The following PTPN11 variants were observed in gnomAD, a reference collection of about 807,000 sequenced individuals.
PTPN11 encodes protein tyrosine phosphatase non-receptor type 11, also known as tyrosine-protein phosphatase non-receptor type 11.
PTPN11 carries 6 observed loss-of-function variants against 78.8 expected under a neutral mutation model. That is an observed-to-expected ratio of 0.08 (90% CI 0.04 to 0.15). The LOEUF (loss-of-function observed/expected upper bound fraction) is 0.15, where lower values mean the gene tolerates loss of function less well. Ranked by LOEUF, PTPN11 falls within the 10% of genes least tolerant of loss-of-function variation. PTPN11 has a pLI of 1.00. For synonymous variants in PTPN11, 221 were observed against 263.5 expected (o/e 0.84, Z 1.56); for missense variants, 386 against 744.8 (o/e 0.52, Z 5.61).
chr12:112,489,007 T>C lies in PTPN11; in HGVS notation c.1448-17T>C, dbSNP rs765401012. 6 of 1,610,778 alleles carry C rather than the reference T, an allele frequency of 3.7e-6. No homozygotes were observed. The highest frequency in any genetic ancestry group is 2.2e-5 in the East Asian group (1 of 44,904). ...CTCTGCAGTTTCTCTTTATTCTTCA[T>C]GATGTTTCCTTCGTAGGTGTTGACT... On this transcript the variant is annotated splice_polypyrimidine_tract_variant and intron_variant, in intron 12 of 15. Coordinates refer to ENST00000351677, the MANE Select transcript of PTPN11 (RefSeq NM_002834.5).
At chr12:112,502,078 C>CT (rs1432496723) in intron 13 of PTPN11, 66 bp from the exon 14 acceptor site, 13 of 1,305,678 alleles carry the variant, frequency 1.0e-5, no homozygotes, top group South Asian at 4.9e-5. Flanking sequence ...GGCAAAATAC[C>CT]TTTTTTGCTT....
chr12:112,487,006 G>A, intron 11 of PTPN11: 1 of 923,032 alleles, frequency 1.1e-6, no homozygotes, highest in South Asian at 2.7e-5. Context: ...TGGGGGTGTG[G>A]TGGAAATAGG....
Position 112,471,094 on chromosome 12 carries a change from C to G in PTPN11, c.757-1850C>G, listed in dbSNP as rs189492354. Among the ~76,000 whole-genome samples, 357 of 152,220 alleles carry G rather than the reference C, an allele frequency of 2.3e-3. 1 individual carries two copies. Among genetic ancestry groups the G allele is most frequent in the African/African-American group, 7.0e-3 (292 of 41,510 alleles). Reference sequence around the variant, plus strand: ...AAATGCTTTTGTGATGAGCTTATGTCCAGGCTGAAGGTTGCATTTTGAAAC... The same window carrying G: ...AAATGCTTTTGTGATGAGCTTATGTGCAGGCTGAAGGTTGCATTTTGAAAC... On this transcript the variant is annotated intron_variant, in intron 6 of 15. Coordinates refer to ENST00000351677, the MANE Select transcript of PTPN11 (RefSeq NM_002834.5).
At chr12:112,441,011 T>C (rs1366348085) in intron 1 of PTPN11, among the ~76,000 whole-genome samples, 1 of 150,062 alleles carries the variant, frequency 6.7e-6, no homozygotes, top group African/African-American at 2.5e-5. Flanking sequence ...TTGCCCAGGC[T>C]AGAGTGCAGT....
chr12:112,486,115 G>A (rs1483335074), intron 10 of PTPN11, among the ~76,000 whole-genome samples: 1 of 152,140 alleles, frequency 6.6e-6, no homozygotes, highest in East Asian at 1.9e-4. Context: ...CTCTTCTGCT[G>A]GGAGGAGAGA....
Position 112,424,881 on chromosome 12 carries a change from GTGTGTGTGTA to G in PTPN11, c.14+5766_14+5775del, listed in dbSNP as rs1451913552. On this transcript the variant is annotated intron_variant, in intron 1 of 15. Coordinates refer to ENST00000351677, the MANE Select transcript of PTPN11 (RefSeq NM_002834.5). ...TGTCAGGCTAATTGTGTGTGTGTGTGTGTGTGTGTATGTGTGTGTGTGTGTGTGTGTGTGT... is the reference window on the plus strand; with the variant it reads ...TGTCAGGCTAATTGTGTGTGTGTGTGTGTGTGTGTGTGTGTGTGTGTGTGT... 3.5e-4 allele frequency among the ~76,000 whole-genome samples: 50 copies of G among 144,294 alleles called. 1 individual carries two copies. In the East Asian group the frequency reaches 6.3e-3, roughly 18 times the overall value. The allele number at this position is 144,294 out of a possible 152,430, so 94.7% of individuals were successfully genotyped here. A position where few individuals can be genotyped will look rare whatever the true frequency, so the allele number is the denominator to read the frequency against.
Position 112,486,573 on chromosome 12 carries a change from G to A in PTPN11, c.1323G>A (p.Glu441=), listed in dbSNP as rs2038679845. Residue 441 remains glutamate, a synonymous_variant, in exon 11 of 16, where the codon GAG becomes GAA. Transcript: ENST00000351677. The part of the protein sequence containing the change: ...DPGGVLDFLE[E]VHHKQESIMD... ...GGGGCGTGCTGGACTTCCTGGAGGA[G>A]GTGCACCATAAGCAGGAGAGCATCA... is the stretch of plus-strand genomic sequence containing the variant. 6.2e-7 allele frequency: 1 copy of A among 1,613,882 alleles called. No individual in the cohort carries two copies. The highest frequency in any genetic ancestry group is 8.5e-7 in the Non-Finnish European group (1 of 1,180,048).
chr12:112,465,981 C>G (rs2038320233), intron 6 of PTPN11, among the ~76,000 whole-genome samples: 1 of 152,184 alleles, frequency 6.6e-6, no homozygotes, highest in African/African-American at 2.4e-5. Flanking sequence ...CTTCATTCAG[C>G]AAATACTGAT....
rs778211349 is a variant in PTPN11 at position 112,454,632 on chromosome 12, G to A, written c.594G>A (p.Lys198=). Residue 198 remains lysine (K), a synonymous_variant, in exon 5 of 16, where the codon AAG becomes AAA. Transcript: ENST00000351677. ...DSLTDLVEHY[K]KNPMVETLGT... is the part of the protein sequence containing the mutation. ...TGACAGATCTTGTGGAACATTATAA[G>A]AAGAATCCTATGGTGGAAACATTGG... 1.2e-6 allele frequency: 2 copies of A among 1,613,886 alleles called. No homozygotes were observed. The highest frequency in any genetic ancestry group is 2.2e-5 in the South Asian group (2 of 91,068).
chr12:112,497,594 A>G (rs758829542), intron 13 of PTPN11, among the ~76,000 whole-genome samples: 1 of 152,202 alleles, frequency 6.6e-6, no homozygotes, highest in East Asian at 1.9e-4. Flanking sequence ...TCCTGCATTA[A>G]TTAAAGTAGG....
chr12:112,437,025 C>CA (rs1356128689), intron 1 of PTPN11, among the ~76,000 whole-genome samples: 1 of 152,054 alleles, frequency 6.6e-6, no homozygotes, highest in Non-Finnish European at 1.5e-5. Context: ...CCAGATTTAT[C>CA]AATCTTTTTT....
At position 112,482,154 on chromosome 12, in the gene PTPN11, C is replaced by T. The variant is rs770730416; in HGVS notation, c.1173C>T (p.Ser391=). Residue 391 remains serine (S), a synonymous_variant, in exon 10 of 16, where the codon AGC becomes AGT. Coordinates refer to ENST00000351677, the MANE Select transcript of PTPN11 (RefSeq NM_002834.5). This position sits in a 1 kb window ranked among gnomAD's most constrained non-coding sequence, Gnocchi z 4.4. ...TGCGTGTTAGGAACGTCAAAGAAAG[C>T]GCCGCTCATGACTATACGCTAAGAG... ...GVMRVRNVKE[S]AAHDYTLREL... is the part of the protein sequence containing the mutation. 1.6e-5 allele frequency: 26 copies of T among 1,613,134 alleles called. No individual in the cohort carries two copies. The highest frequency in any genetic ancestry group is 5.5e-5 in the South Asian group (5 of 91,068).
At chr12:112,459,907 C>T (rs1003530710) in intron 6 of PTPN11, among the ~76,000 whole-genome samples, 1 of 137,778 alleles carries the variant, frequency 7.3e-6, no homozygotes, top group Non-Finnish European at 1.6e-5. Context: ...TTCCTGATTG[C>T]TACACACACA....
chr12:112,458,199 T>C (rs1303014980), intron 6 of PTPN11, among the ~76,000 whole-genome samples: 1 of 152,124 alleles, frequency 6.6e-6, no homozygotes, highest in Non-Finnish European at 1.5e-5. Context: ...CCACAGTTTT[T>C]GTTTTGTTTT....
chr12:112,474,534 C>G (rs748044067), intron 7 of PTPN11, among the ~76,000 whole-genome samples: 2 of 151,928 alleles, frequency 1.3e-5, no homozygotes, highest in Admixed American at 6.6e-5. Flanking sequence ...TCTGTAACAC[C>G]CAAATGCCAC....
chr12:112,473,402 G>A (rs2038449774), intron 7 of PTPN11, among the ~76,000 whole-genome samples: 1 of 152,158 alleles, frequency 6.6e-6, no homozygotes, highest in Non-Finnish European at 1.5e-5. Context: ...GGGCCTGTGA[G>A]TCCTGGGTAA....
chr12:112,420,096 A>C (rs2037498286), intron 1 of PTPN11, among the ~76,000 whole-genome samples: 1 of 152,148 alleles, frequency 6.6e-6, no homozygotes, highest in Admixed American at 6.6e-5. Context: ...ACTTTTAATC[A>C]CTATGTTGCT....
In PTPN11 at chr12:112,473,920, T is replaced by C; in HGVS notation, c.853+880T>C. Among the ~76,000 whole-genome samples the C allele has an allele frequency of 2.0e-5, 3 of 152,044 alleles. 1 individual carries two copies. Among genetic ancestry groups the C allele is most frequent in the South Asian group, 4.1e-4 (2 of 4,832 alleles). ...TACCTTTCAATTTTTTTTTGAGACA[T>C]AGTCTCACTCTGTTGCTCAGGGTGC... is the stretch of plus-strand genomic sequence containing the variant. On this transcript the variant is annotated intron_variant, in intron 7 of 15. Coordinates refer to ENST00000351677, the MANE Select transcript of PTPN11 (RefSeq NM_002834.5).
chr12:112,454,066 C>T (rs1199640589), intron 4 of PTPN11, among the ~76,000 whole-genome samples: 1 of 151,912 alleles, frequency 6.6e-6, no homozygotes, highest in African/African-American at 2.4e-5. Flanking sequence ...TTATACTTAT[C>T]ATACTTGAGT....
Sources: allele counts gnomAD v4.1 joint callset (sites outside exome capture counted in the v4.1 genomes callset), GRCh38; gene constraint gnomAD v4.1.1; non-coding constraint Gnocchi (gnomAD v3.1); transcripts MANE v1.5; gene names NCBI Gene and HGNC (gene_info 2026-07-23, HGNC 2026-07-21).